ADAMTS6: variants seen among roughly 807,000 people sequenced by gnomAD.
ADAMTS6 encodes the protein A disintegrin and metalloproteinase with thrombospondin motifs 6.
A neutral mutation model predicts 144.3 loss-of-function variants in ADAMTS6; 23 were observed. The observed-to-expected ratio is 0.16, with a 90% confidence interval of 0.11 to 0.23. ADAMTS6 has a LOEUF of 0.23. ADAMTS6 is among the 10% of genes least tolerant of loss of function. The pLI is 1.00. For missense variants in ADAMTS6, 999 were observed against 1,379.6 expected (o/e 0.72, Z 4.37); for synonymous variants, 444 against 457.5 (o/e 0.97, Z 0.38).
At chr5:65,311,167 T>G (rs1255620694) in intron 9 of ADAMTS6, among the ~76,000 whole-genome samples, 4 of 152,158 alleles carry the variant, frequency 2.6e-5, no homozygotes, top group African/African-American at 9.7e-5. Context: ...GACTATCTGC[T>G]GACTAACTGT....
At chr5:65,220,102 A>T (rs572152683) in intron 18 of ADAMTS6, among the ~76,000 whole-genome samples, 1 of 152,330 alleles carries the variant, frequency 6.6e-6, no homozygotes, top group South Asian at 2.1e-4. Context: ...CATGTGCTAG[A>T]CTATAAAAAA....
chr5:65,391,427 C>T (rs1019180648), intron 7 of ADAMTS6, among the ~76,000 whole-genome samples: 8 of 149,420 alleles, frequency 5.4e-5, no homozygotes, highest in African/African-American at 2.0e-4. Flanking sequence ...TCTACACACA[C>T]ACACACACAC....
At chr5:65,308,913 A>G (rs1744207009) in intron 9 of ADAMTS6, among the ~76,000 whole-genome samples, 1 of 152,212 alleles carries the variant, frequency 6.6e-6, no homozygotes, top group Non-Finnish European at 1.5e-5. Context: ...TTATAAAACT[A>G]TGGTAATTAA....
At chr5:65,422,967 C>T (rs183462290) in intron 7 of ADAMTS6, among the ~76,000 whole-genome samples, 121 of 152,258 alleles carry the variant, frequency 7.9e-4, no homozygotes, top group African/African-American at 2.4e-3. Context: ...CACACACACA[C>T]GCTGGAATAC....
Position 65,286,454 on chromosome 5 carries a change from T to C in ADAMTS6, c.1512+4875A>G, listed in dbSNP as rs543019326. 5.3e-5 allele frequency among the ~76,000 whole-genome samples: 8 copies of C among 152,328 alleles called. No homozygotes were observed. The East Asian group carries it at 1.2e-3, about 22-fold the overall frequency. On this transcript the variant is annotated intron_variant, in intron 11 of 24. Coordinates refer to ENST00000381055, the MANE Select transcript of ADAMTS6 (RefSeq NM_197941.4). ...TCTACATTTAAAATAAGCAGTAACA[T>C]GTACAACACACTATTATGCATTTAT...
At chr5:65,244,754 G>C (rs1759484774) in intron 14 of ADAMTS6, among the ~76,000 whole-genome samples, 1 of 152,076 alleles carries the variant, frequency 6.6e-6, no homozygotes, top group African/African-American at 2.4e-5. Context: ...AGCGTACAAG[G>C]ATACTTTCAC....
rs1396976937 is a variant in ADAMTS6, at chr5:65,242,130, T to A, written c.1907A>T (p.Tyr636Phe). 1 of 1,603,474 alleles carries A rather than the reference T, an allele frequency of 6.2e-7. No homozygotes were observed. Among genetic ancestry groups the A allele is most frequent in the Admixed American group, 1.7e-5 (1 of 59,304 alleles). The change falls in exon 15 of 25, where the codon TAT becomes TTT. Residue 636 changes from tyrosine (Y) to phenylalanine (F), a missense_variant. Tyr to Phe is a conservative substitution (Grantham distance 22). This residue lies in a region of ADAMTS6 where 619 missense variants were observed against 837.0 expected (regional missense o/e 0.74). Transcript: ENST00000381055. ...TCCAGTATAGGGTTTCCAGTTATAA[T>A]ACTTTCCTCGGAAAGGCATATTGTC... is the stretch of plus-strand genomic sequence containing the variant. The part of the protein sequence containing the change: ...DFDNMPFRGK[Y>F]YNWKPYTGGG...
chr5:65,370,901 T>C (rs1750822546), intron 7 of ADAMTS6, among the ~76,000 whole-genome samples: 1 of 152,194 alleles, frequency 6.6e-6, no homozygotes, highest in South Asian at 2.1e-4. Flanking sequence ...AGAGCAGTGA[T>C]TCTCCCAGCA....
intron 12 of ADAMTS6, among the ~76,000 whole-genome samples, chr5:65,269,304 T>C (rs1038738910): frequency 1.1e-4 from 16 of 152,220 alleles, no homozygotes; most frequent in African/African-American, 3.9e-4. Context: ...TTGTCTCCCA[T>C]TTTAGAGATT....
At chr5:65,407,716 A>C (rs1319834060) in intron 7 of ADAMTS6, among the ~76,000 whole-genome samples, 1 of 151,972 alleles carries the variant, frequency 6.6e-6, no homozygotes, top group Non-Finnish European at 1.5e-5. Context: ...TATATGCCAC[A>C]TTTTCTCAAT....
intron 5 of ADAMTS6, 152 bp from the exon 6 acceptor site, chr5:65,452,368 G>T: frequency 1.6e-6 from 1 of 618,686 alleles, no homozygotes; most frequent in Non-Finnish European, 2.8e-6. Context: ...AGGTGCCTTG[G>T]TAAAAGGTTT....
intron 11 of ADAMTS6, among the ~76,000 whole-genome samples, chr5:65,289,016 A>G (rs188755673): frequency 6.6e-6 from 1 of 152,368 alleles, no homozygotes; most frequent in South Asian, 2.1e-4. Flanking sequence ...TTATGACTCA[A>G]TACACTTTGT....
intron 24 of ADAMTS6, among the ~76,000 whole-genome samples, chr5:65,157,681 T>G (rs907580584): frequency 1.3e-5 from 2 of 152,182 alleles, no homozygotes; most frequent in African/African-American, 4.8e-5. Flanking sequence ...AAACTGCCCA[T>G]GGAAATGCAG....
chr5:65,168,867 C>A (rs1324469037), intron 24 of ADAMTS6, among the ~76,000 whole-genome samples: 3 of 147,774 alleles, frequency 2.0e-5, no homozygotes, highest in African/African-American at 7.4e-5. Context: ...TTCCTTACAT[C>A]TTATACAAAA....
At chr5:65,295,947 G>C (rs763125300) in intron 10 of ADAMTS6, among the ~76,000 whole-genome samples, 5 of 151,796 alleles carry the variant, frequency 3.3e-5, no homozygotes, top group Non-Finnish European at 7.4e-5. Flanking sequence ...TTACAGTTCG[G>C]TCATCAGCAA....
chr5:65,480,357 A>G (rs1164608533), intron 1 of ADAMTS6, among the ~76,000 whole-genome samples: 65 of 150,404 alleles, frequency 4.3e-4, no homozygotes, highest in Non-Finnish European at 1.6e-4. Context: ...AGAGGGTAAC[A>G]GTCTGAGCTG....
chr5:65,352,993 T>C (rs1051356936), intron 7 of ADAMTS6, among the ~76,000 whole-genome samples: 1 of 152,014 alleles, frequency 6.6e-6, no homozygotes, highest in Non-Finnish European at 1.5e-5. Context: ...CTACATTCTT[T>C]CCTAAATATG....
intron 13 of ADAMTS6, among the ~76,000 whole-genome samples, chr5:65,262,103 A>G (rs1199532477): frequency 2.6e-5 from 4 of 152,204 alleles, no homozygotes; most frequent in Admixed American, 6.5e-5. Flanking sequence ...AAGTACAACT[A>G]GAGGAACCGT....
At chr5:65,480,188 A>G (rs1306846365) in intron 1 of ADAMTS6, among the ~76,000 whole-genome samples, 1 of 152,258 alleles carries the variant, frequency 6.6e-6, no homozygotes, top group African/African-American at 2.4e-5. Context: ...AAAAAAGAAC[A>G]GAAAATTAGT....
Sources: allele counts gnomAD v4.1 joint callset (sites outside exome capture counted in the v4.1 genomes callset), GRCh38; gene constraint gnomAD v4.1.1; regional missense constraint gnomAD v4.1.1; transcripts MANE v1.5; gene names NCBI Gene and HGNC (gene_info 2026-07-23, HGNC 2026-07-21).